STAT4: variants seen among roughly 807,000 people sequenced by gnomAD.
STAT4 encodes signal transducer and activator of transcription 4.
STAT4 carries 42 observed loss-of-function variants against 110.5 expected under a neutral mutation model. That is an observed-to-expected ratio of 0.38 (90% CI 0.30 to 0.49). STAT4 has a LOEUF of 0.49. STAT4 is among the 20% of genes least tolerant of loss of function. STAT4 has a pLI of 0.95. For synonymous variants in STAT4, 284 were observed against 302.2 expected, an observed-to-expected ratio of 0.94 and a Z score of 0.63; for missense variants, 632 against 887.9, an observed-to-expected ratio of 0.71 and a Z score of 3.66.
Position 191,042,081 on chromosome 2 carries a change from G to A in STAT4, c.1252-933C>T, listed in dbSNP as rs1026555650. ...CTGGGAAGTTTGCCAGACCAAGGGA[G>A]GTAACATACAGCTACTGCCTTCTAT... On this transcript the variant is annotated intron_variant, in intron 14 of 23. Coordinates refer to ENST00000392320, the MANE Select transcript of STAT4 (RefSeq NM_003151.4). This position sits in a 1 kb window ranked among gnomAD's most constrained non-coding sequence, Gnocchi z 4.2. 6.6e-6 allele frequency among the ~76,000 whole-genome samples: 1 copy of A among 152,134 alleles called. No homozygotes were observed. The highest frequency in any genetic ancestry group is 1.5e-5 in the Non-Finnish European group (1 of 68,016).
intron 3 of STAT4, among the ~76,000 whole-genome samples, chr2:191,079,708 A>T (rs1198269724): frequency 6.6e-6 from 1 of 152,060 alleles, no homozygotes; most frequent in Non-Finnish European, 1.5e-5. Flanking sequence ...CTTATTTAAA[A>T]ATGTATTTGT....
In STAT4 at chr2:191,113,427, CA is replaced by C. The variant is rs575935634; in HGVS notation, c.273+33185del. 1.7e-3 allele frequency among the ~76,000 whole-genome samples: 252 copies of C among 152,174 alleles called. No homozygotes were observed. The highest frequency in any genetic ancestry group is 5.7e-3 in the African/African-American group (236 of 41,534). ...TGGGACACAGGAGAAAGCACTTTTT[CA>C]AATTTATTGGATTGAAGAGAAGGAA... On this transcript the variant is annotated intron_variant, in intron 3 of 23. Transcript: ENST00000392320. This position sits in a 1 kb window ranked among gnomAD's most constrained non-coding sequence, Gnocchi z 4.8.
At chr2:191,057,581 C>CTTTTTTTTTTTTTT (rs56816363) in intron 13 of STAT4, among the ~76,000 whole-genome samples, 1 of 121,328 alleles carries the variant, frequency 8.2e-6, no homozygotes, top group Non-Finnish European at 1.7e-5. Context: ...AATTTCTTTT[C>CTTTTTTTTTTTTTT]TTTTTTTTTT....
rs114950789 is a variant in STAT4, at chr2:191,053,638, G to T, written c.1251+852C>A. 2.1e-3 allele frequency among the ~76,000 whole-genome samples: 327 copies of T among 152,222 alleles called. 3 individuals carry two copies. The highest frequency in any genetic ancestry group is 6.9e-3 in the African/African-American group (287 of 41,532). On this transcript the variant is annotated intron_variant, in intron 14 of 23. Transcript: ENST00000392320. This position sits in a 1 kb window ranked among gnomAD's most constrained non-coding sequence, Gnocchi z 4.5. ...AGGTAATTGATATCTCAAAATAATA[G>T]GGTTGTTTTTTACCCCACATATCAT...
chr2:191,085,054 C>CA (rs374374826), intron 3 of STAT4, among the ~76,000 whole-genome samples: 2,902 of 137,182 alleles, frequency 0.021, 46 homozygotes, highest in Middle Eastern at 0.05. Context: ...AGTAAACTAC[C>CA]AAAAAAAAAA....
intron 3 of STAT4, among the ~76,000 whole-genome samples, chr2:191,101,561 A>C (rs1277790633): frequency 6.6e-6 from 1 of 152,142 alleles, no homozygotes; most frequent in Non-Finnish European, 1.5e-5. Context: ...TTTGCCATCA[A>C]AATGCAATGA....
At chr2:191,054,124 C>T (rs1239344581) in intron 14 of STAT4, among the ~76,000 whole-genome samples, 2 of 125,790 alleles carry the variant, frequency 1.6e-5, no homozygotes, top group Admixed American at 1.7e-4. Flanking sequence ...TGAGACCCTT[C>T]TCAAAAAAAA....
chr2:191,096,806 A>G (rs887584096), intron 3 of STAT4, among the ~76,000 whole-genome samples: 2 of 152,230 alleles, frequency 1.3e-5, no homozygotes, highest in Non-Finnish European at 2.9e-5. Flanking sequence ...AGGGGATTCA[A>G]TTAGGAAAAA....
Position 191,140,558 on chromosome 2 carries a change from C to T in STAT4, c.273+6055G>A, listed in dbSNP as rs1287621637. ...ACAATGAGATACCACCTTACTCCTG[C>T]GAGAATGGCCATAATGAAAAAGTCA... On this transcript the variant is annotated intron_variant, in intron 3 of 23. Coordinates refer to ENST00000392320, the MANE Select transcript of STAT4 (RefSeq NM_003151.4). This position sits in a 1 kb window ranked among gnomAD's most constrained non-coding sequence, Gnocchi z 4.4. Among the ~76,000 whole-genome samples the T allele has an allele frequency of 2.0e-5, 3 of 152,184 alleles. No homozygotes were observed. The highest frequency in any genetic ancestry group is 2.1e-4 in the South Asian group (1 of 4,824).
chr2:191,123,951 G>A (rs1698807582), intron 3 of STAT4, among the ~76,000 whole-genome samples: 1 of 152,148 alleles, frequency 6.6e-6, no homozygotes, highest in South Asian at 2.1e-4. Context: ...CTAAGTTGAA[G>A]ACCATCTGTA....
chr2:191,041,051 CT>C lies in STAT4; in HGVS notation c.1335+13del. ...ATGCCATTAGTAAATAGTGTATGTT[CT>C]TGAAACACCTACCTCCAAATCTATG... On this transcript the variant is annotated intron_variant, in intron 15 of 23. Transcript: ENST00000392320. 1 of 1,414,918 alleles carries C rather than the reference CT, an allele frequency of 7.1e-7. No individual in the cohort carries two copies. The allele number at this position is 1,414,918 out of a possible 1,614,324, so 87.6% of individuals were successfully genotyped here.
chr2:191,141,977 G>C (rs965946835), intron 3 of STAT4, among the ~76,000 whole-genome samples: 3 of 152,100 alleles, frequency 2.0e-5, no homozygotes, highest in Non-Finnish European at 4.4e-5. Context: ...TCTGTACACT[G>C]TTGGTAGGAA....
chr2:191,099,179 A>C lies in STAT4; in HGVS notation c.274-22854T>G, dbSNP rs1452027946. Among the ~76,000 whole-genome samples, 1 of 152,104 alleles carries C rather than the reference A, an allele frequency of 6.6e-6. No homozygotes were observed. ...AAGACAGAGATAGTATTTCCCAAAA[A>C]GTCAGGTTGACAAAAATAAAAAAGA... On this transcript the variant is annotated intron_variant, in intron 3 of 23. Transcript: ENST00000392320. This position sits in a 1 kb window ranked among gnomAD's most constrained non-coding sequence, Gnocchi z 4.1.
In STAT4 at chr2:191,122,373, A is replaced by G. The variant is rs887340653; in HGVS notation, c.273+24240T>C. 2.0e-5 allele frequency among the ~76,000 whole-genome samples: 3 copies of G among 152,058 alleles called. No homozygotes were observed. The East Asian group carries it at 5.8e-4, about 29-fold the overall frequency. ...CAATAACATGTGTTGACTAGGAAGT[A>G]GAGCAACTGAACTCTCATATACTTC... is the stretch of plus-strand genomic sequence containing the variant. On this transcript the variant is annotated intron_variant, in intron 3 of 23. Coordinates refer to ENST00000392320, the MANE Select transcript of STAT4 (RefSeq NM_003151.4).
chr2:191,101,317 T>C (rs912413452), intron 3 of STAT4, among the ~76,000 whole-genome samples: 6 of 152,224 alleles, frequency 3.9e-5, no homozygotes, highest in Admixed American at 1.3e-4. Flanking sequence ...TAAACACTTA[T>C]GTACACTTTA....
At chr2:191,122,964 C>T (rs1456160299) in intron 3 of STAT4, among the ~76,000 whole-genome samples, 1 of 152,182 alleles carries the variant, frequency 6.6e-6, no homozygotes, top group Non-Finnish European at 1.5e-5. Context: ...GTGTGTTTTA[C>T]CATATGCTTA....
chr2:191,038,002 A>G (rs569096071), intron 16 of STAT4, among the ~76,000 whole-genome samples: 1 of 152,302 alleles, frequency 6.6e-6, no homozygotes, highest in Admixed American at 6.5e-5. Context: ...AGAGCCATGT[A>G]AATTTGGGAT....
rs1466463018 is a variant in STAT4 at position 191,032,351 on chromosome 2, T to C, written c.2044+607A>G. Reference sequence around the variant, plus strand: ...CATAGTAATTTAACAAATTTTCTTTTATGTATTCAACAAATATTTACTGAA... The same window carrying C: ...CATAGTAATTTAACAAATTTTCTTTCATGTATTCAACAAATATTTACTGAA... On this transcript the variant is annotated intron_variant, in intron 21 of 23. Transcript: ENST00000392320. The surrounding 1 kb of genome is among the most constrained non-coding windows in gnomAD (Gnocchi z 4.9). 2 of 152,234 alleles carry C rather than the reference T, an allele frequency of 1.3e-5. No homozygotes were observed. Among genetic ancestry groups the C allele is most frequent in the Admixed American group, 6.5e-5 (1 of 15,288 alleles). 9.4% of individuals were successfully genotyped at this position (152,234 alleles called of 1,614,324 possible). A position where few individuals can be genotyped will look rare whatever the true frequency, so the allele number is the denominator to read the frequency against.
At chr2:191,095,017 A>G (rs554719201) in intron 3 of STAT4, among the ~76,000 whole-genome samples, 1 of 152,114 alleles carries the variant, frequency 6.6e-6, no homozygotes, top group Non-Finnish European at 1.5e-5. Flanking sequence ...AGGCCATCAC[A>G]TAATGGTAAA....
Sources: gnomAD v4.1 joint callset for allele counts (sites outside exome capture counted in the v4.1 genomes callset) on GRCh38, gnomAD v4.1.1 for gene constraint, Gnocchi (gnomAD v3.1) non-coding constraint, MANE v1.5 for transcripts, NCBI Gene and HGNC (gene_info 2026-07-23, HGNC 2026-07-21) for gene names.